The following SRPK1 variants were observed in gnomAD, a reference collection of about 807,000 sequenced individuals.
SRPK1 encodes the protein SRSF protein kinase 1.
A neutral mutation model predicts 89.5 loss-of-function variants in SRPK1; 52 were observed. The ratio of observed to expected loss-of-function variants is 0.58; its 90% CI spans 0.46 to 0.73. The LOEUF (loss-of-function observed/expected upper bound fraction) is 0.73, where lower values mean the gene tolerates loss of function less well. SRPK1 is among the 30% of genes least tolerant of loss of function. The probability of loss-of-function intolerance (pLI) is 0.00; values close to 1 mark genes in which losing one functional copy is unlikely to be tolerated. For synonymous variants in SRPK1, 255 were observed against 270.2 expected, an observed-to-expected ratio of 0.94 and a Z score of 0.55; for missense variants, 603 against 780.6, an observed-to-expected ratio of 0.77 and a Z score of 2.71.
intron 5 of SRPK1, 71 bp from the exon 6 acceptor site, chr6:35,886,882 T>C (rs1581586998): frequency 1.1e-5 from 9 of 811,018 alleles, no homozygotes; most frequent in East Asian, 5.0e-5. Context: ...AGGGGAAGAA[T>C]ACTTACAGCA....
rs948294828 is a variant in SRPK1, at chr6:35,834,810, A to G, written c.*494T>C. 2 of 152,306 alleles carry G rather than the reference A, an allele frequency of 1.3e-5. No homozygotes were observed. Among genetic ancestry groups the G allele is most frequent in the African/African-American group, 2.4e-5 (1 of 41,448 alleles). 9.4% of individuals were successfully genotyped at this position (152,306 alleles called of 1,614,324 possible). Reference sequence around the variant, plus strand: ...AAAATGTGAACACAGAGAACAACAGAAACAGTCCAGGAAGATGATGCAGCC... The same window carrying G: ...AAAATGTGAACACAGAGAACAACAGGAACAGTCCAGGAAGATGATGCAGCC... On this transcript the variant is annotated 3_prime_UTR_variant, in exon 16 of 16. Coordinates refer to ENST00000373825, the MANE Select transcript of SRPK1 (RefSeq NM_003137.5).
At chr6:35,838,158 G>A (rs551758399) in intron 15 of SRPK1, among the ~76,000 whole-genome samples, 179 bp downstream of exon 15, 5 of 151,970 alleles carry the variant, frequency 3.3e-5, no homozygotes, top group East Asian at 1.9e-4. Context: ...ATGAGCCACC[G>A]CGCCCGGCTC....
chr6:35,905,975 G>A (rs1178703648), intron 2 of SRPK1, among the ~76,000 whole-genome samples: 1 of 151,944 alleles, frequency 6.6e-6, no homozygotes, highest in Non-Finnish European at 1.5e-5. Context: ...AGCTCCTTAA[G>A]CGCTCAGATT....
rs1581606785 is a variant in SRPK1, at chr6:35,921,045, T to C, written c.12A>G (p.Lys4=). MER[K]VLALQARKKR... Reference sequence around the variant, plus strand: ...GGCGGAGGCCGCTCCACCGCTCACCTTTCCGCTCCATGGTGAGACCGGTAA... The same window carrying C: ...GGCGGAGGCCGCTCCACCGCTCACCCTTCCGCTCCATGGTGAGACCGGTAA... Residue 4 remains lysine, a splice_region_variant and synonymous_variant, in exon 1 of 16, where the codon AAA becomes AAG. Coordinates refer to ENST00000373825, the MANE Select transcript of SRPK1 (RefSeq NM_003137.5). 2 of 1,546,454 alleles carry C rather than the reference T, an allele frequency of 1.3e-6. No individual in the cohort carries two copies. Among genetic ancestry groups the C allele is most frequent in the South Asian group, 1.2e-5 (1 of 82,798 alleles).
rs1238514215 is a variant in SRPK1 at position 35,920,518 on chromosome 6, G to A, written c.24C>T (p.Leu8=). The A allele has an allele frequency of 1.9e-6, 3 of 1,613,318 alleles. No homozygotes were observed. Among genetic ancestry groups the A allele is most frequent in the Non-Finnish European group, 2.5e-6 (3 of 1,179,480 alleles). The change falls in exon 2 of 16, where the codon CTC becomes CTT. Residue 8 remains leucine (L), a synonymous_variant. Transcript: ENST00000373825. Reference sequence around the variant, plus strand: ...CCTTGGTCCTTTTCTTTCGGGCCTGGAGCGCAAGCACTGCAGGAGAGAGGG... The same window carrying A: ...CCTTGGTCCTTTTCTTTCGGGCCTGAAGCGCAAGCACTGCAGGAGAGAGGG... MERKVLA[L]QARKKRTKAK...
intron 12 of SRPK1, 105 bp downstream of exon 12, chr6:35,868,905 G>GT: frequency 1.2e-6 from 1 of 808,620 alleles, no homozygotes; most frequent in Non-Finnish European, 1.9e-6. Context: ...CTGAAGTGTT[G>GT]TATCAATCTG....
chr6:35,920,487 T>A lies in SRPK1; in HGVS notation c.55A>T (p.Lys19Ter). The A allele has an allele frequency of 6.2e-7, 1 of 1,613,406 alleles. No individual in the cohort carries two copies. The highest frequency in any genetic ancestry group is 8.5e-7 in the Non-Finnish European group (1 of 1,179,510). ...ACTCACTTCCTTTGGGCTTTGTCCT[T>A]CTTGGCCTTGGTCCTTTTCTTTCGG... is the stretch of plus-strand genomic sequence containing the variant. ...QARKKRTKAK[K>*]DKAQRKSETQ... is the part of the protein sequence containing the mutation. The change falls in exon 2 of 16, where the codon AAG becomes TAG. Residue 19 changes from lysine (K) to a stop codon, truncating the protein, a stop_gained. Coordinates refer to ENST00000373825, the MANE Select transcript of SRPK1 (RefSeq NM_003137.5). LOFTEE classifies it high-confidence loss of function.
At chr6:35,866,542 C>T (rs533153947) in intron 12 of SRPK1, among the ~76,000 whole-genome samples, 3 of 151,900 alleles carry the variant, frequency 2.0e-5, no homozygotes, top group Non-Finnish European at 2.9e-5. Flanking sequence ...GCAGAGATCG[C>T]ACCACTGCAC....
At chr6:35,890,769 T>C in intron 3 of SRPK1, 126 bp downstream of exon 3, 1 of 727,056 alleles carries the variant, frequency 1.4e-6, no homozygotes, top group South Asian at 3.8e-5. Flanking sequence ...CTATTTCCTA[T>C]GTTTTAGAGA....
chr6:35,838,395 CT>C lies in SRPK1; in HGVS notation c.1724del (p.Lys575ArgfsTer23). 1 of 1,579,910 alleles carries C rather than the reference CT, an allele frequency of 6.3e-7. No homozygotes were observed. Among genetic ancestry groups the C allele is most frequent in the South Asian group, 1.2e-5 (1 of 83,628 alleles). The stretch of plus-strand genomic sequence containing the variant: ...CTGCCACAATGAGCTTGCGAGGCAC[CT>C]TCCCCAGAAGTTCTATGATCAATGC... The part of the protein sequence containing the change: ...HIALIIELLG[K>X]VPRKLIVAGK... On this transcript the variant is annotated frameshift_variant, in exon 15 of 16. Transcript: ENST00000373825. LOFTEE classifies it high-confidence loss of function.
chr6:35,869,647 G>C lies in SRPK1; in HGVS notation c.1246C>G (p.Pro416Ala), dbSNP rs774507529. ...GTGTCTGACACCTCAGATGTTATAG[G>C]TGTACAAGAGTCTGTTTCTTGAGAT... ...STSQETDSCT[P>A]ITSEVSDTMV... The change falls in exon 11 of 16, where the codon CCT becomes GCT. Residue 416 changes from proline to alanine, a missense_variant. Physicochemically the swap from Pro to Ala is conservative, Grantham distance 27. Transcript: ENST00000373825. 3.7e-6 allele frequency: 6 copies of C among 1,614,032 alleles called. No individual in the cohort carries two copies. The South Asian group carries it at 6.6e-5, about 18-fold the overall frequency.
intron 2 of SRPK1, among the ~76,000 whole-genome samples, chr6:35,908,265 G>T (rs1304717442): frequency 6.6e-6 from 1 of 152,230 alleles, no homozygotes; most frequent in Non-Finnish European, 1.5e-5. Flanking sequence ...GGGCTCAGAA[G>T]AAAACAGTAA....
intron 4 of SRPK1, 34 bp downstream of exon 4, chr6:35,888,780 CT>C (rs1235740369): frequency 2.3e-6 from 3 of 1,329,058 alleles, no homozygotes; most frequent in Non-Finnish European, 3.3e-6. Context: ...TAGACATCAT[CT>C]AACTAATTCT....
chr6:35,855,631 G>A (rs891073431), intron 13 of SRPK1, among the ~76,000 whole-genome samples: 1 of 152,056 alleles, frequency 6.6e-6, no homozygotes, highest in Admixed American at 6.5e-5. Flanking sequence ...TTCCTGGTAG[G>A]AAGTCTCTAA....
intron 6 of SRPK1, among the ~76,000 whole-genome samples, chr6:35,875,546 T>C (rs926990787): frequency 4.6e-5 from 7 of 152,138 alleles, no homozygotes; most frequent in African/African-American, 1.7e-4. Context: ...TATGAGTTAA[T>C]ATATGAATTA....
intron 2 of SRPK1, among the ~76,000 whole-genome samples, chr6:35,910,704 G>T (rs1397268459): frequency 6.6e-6 from 1 of 152,172 alleles, no homozygotes; most frequent in Non-Finnish European, 1.5e-5. Flanking sequence ...GCTGACTCTT[G>T]TTAGCAGCTA....
At chr6:35,847,459 C>T (rs543308391) in intron 13 of SRPK1, among the ~76,000 whole-genome samples, 7 of 152,272 alleles carry the variant, frequency 4.6e-5, no homozygotes, top group African/African-American at 1.7e-4. Context: ...CCTCCTGCCT[C>T]AGCTTTCCAA....
At chr6:35,873,490 A>G (rs763332683) in intron 7 of SRPK1, among the ~76,000 whole-genome samples, 2 of 140,426 alleles carry the variant, frequency 1.4e-5, no homozygotes, top group Non-Finnish European at 3.1e-5. Context: ...TTTAGCAATT[A>G]ACTTTTTTTT....
chr6:35,902,296 G>A (rs1304501037), intron 2 of SRPK1, among the ~76,000 whole-genome samples: 5 of 151,198 alleles, frequency 3.3e-5, no homozygotes, highest in South Asian at 4.2e-4. Flanking sequence ...GCCTGTAGTC[G>A]CAGCTACTAA....
Sources: allele counts gnomAD v4.1 joint callset (sites outside exome capture counted in the v4.1 genomes callset), GRCh38; gene constraint gnomAD v4.1.1; transcripts MANE v1.5; gene names NCBI Gene and HGNC (gene_info 2026-07-23, HGNC 2026-07-21).